The following SLC39A6 variants were observed in gnomAD, a reference collection of about 807,000 sequenced individuals.
SLC39A6 encodes zinc transporter ZIP6.
In SLC39A6, 51 loss-of-function variants were observed where a neutral mutation model predicts 63.5. The ratio of observed to expected loss-of-function variants is 0.80; its 90% confidence interval spans 0.64 to 1.01. SLC39A6 has a LOEUF of 1.01. SLC39A6 is among the 50% of genes least tolerant of loss of function. SLC39A6 has a pLI of 0.00. For synonymous variants in SLC39A6, 318 were observed against 324.7 expected, an observed-to-expected ratio of 0.98 and a Z score of 0.22; for missense variants, 805 against 927.8, an observed-to-expected ratio of 0.87 and a Z score of 1.72.
intron 6 of SLC39A6, 27 bp from the exon 7 acceptor site, chr18:36,114,501 G>A: frequency 1.3e-6 from 2 of 1,563,466 alleles, no homozygotes; most frequent in Non-Finnish European, 1.7e-6. Context: ...AGGGCATGGG[G>A]ACAGTTAGAA....
chr18:36,123,414 A>C, intron 4 of SLC39A6, 81 bp downstream of exon 4: 3 of 1,300,718 alleles, frequency 2.3e-6, no homozygotes, highest in Non-Finnish European at 3.2e-6. Context: ...CATTTTATAC[A>C]AAAAATTCTA....
chr18:36,124,927 G>A (rs964674107), intron 2 of SLC39A6, among the ~76,000 whole-genome samples: 1 of 152,166 alleles, frequency 6.6e-6, no homozygotes, highest in Non-Finnish European at 1.5e-5. Flanking sequence ...AGTACATCAC[G>A]AGTCACCTAG....
Position 36,109,765 on chromosome 18 carries a change from A to C in SLC39A6, c.2116-20T>G. On this transcript the variant is annotated intron_variant, in intron 9 of 9. Transcript: ENST00000269187. Reference sequence around the variant, plus strand: ...AGGTACCTTTAAAAAAAAGTAAGGGAAAATAAGAGTGACATTTAAGTTTTT... The same window carrying C: ...AGGTACCTTTAAAAAAAAGTAAGGGCAAATAAGAGTGACATTTAAGTTTTT... 1 of 1,587,878 alleles carries C rather than the reference A, an allele frequency of 6.3e-7. No individual in the cohort carries two copies. Among genetic ancestry groups the C allele is most frequent in the Non-Finnish European group, 8.5e-7 (1 of 1,170,322 alleles).
chr18:36,109,837 GCTTT>G (rs2089287201), intron 9 of SLC39A6, 92 bp from the exon 10 acceptor site: 1 of 963,184 alleles, frequency 1.0e-6, no homozygotes, highest in Non-Finnish European at 1.6e-6. Context: ...CAGTATACTA[GCTTT>G]ATTTGTAGCT....
At chr18:36,111,622 C>A (rs187940516) in intron 8 of SLC39A6, among the ~76,000 whole-genome samples, 7 of 151,910 alleles carry the variant, frequency 4.6e-5, no homozygotes. Context: ...GTAGCTAGGA[C>A]TACAAGTGCA....
rs575408593 is a variant in SLC39A6, at chr18:36,124,091, G to C, written c.971-427C>G. Among the ~76,000 whole-genome samples, 447 of 152,164 alleles carry C rather than the reference G, an allele frequency of 2.9e-3. 6 individuals carry two copies. The highest frequency in any genetic ancestry group is 0.01 in the African/African-American group (432 of 41,520). On this transcript the variant is annotated intron_variant, in intron 3 of 9. Transcript: ENST00000269187. ...AACCAGGAATTCAATAATGTCCTCAGAAAACAAAGCAGTGATTCCTTCCTC... is the reference window on the plus strand; with the variant it reads ...AACCAGGAATTCAATAATGTCCTCACAAAACAAAGCAGTGATTCCTTCCTC...
At chr18:36,127,091 T>C (rs2089446445) in intron 1 of SLC39A6, 75 bp from the exon 2 acceptor site, 1 of 1,285,166 alleles carries the variant, frequency 7.8e-7, no homozygotes. Flanking sequence ...ATACTGAAAA[T>C]TAATGTGTAA....
chr18:36,126,131 A>C (rs1407136474), intron 2 of SLC39A6, 88 bp downstream of exon 2: 2 of 1,272,674 alleles, frequency 1.6e-6, no homozygotes, highest in East Asian at 2.3e-5. Flanking sequence ...TTTTACTTTT[A>C]CTTTAAACTC....
chr18:36,119,821 A>C (rs1418876740), intron 5 of SLC39A6, among the ~76,000 whole-genome samples: 5 of 152,058 alleles, frequency 3.3e-5, no homozygotes, highest in Non-Finnish European at 7.4e-5. Context: ...TTTGAAGCGC[A>C]ATGAGCTATG....
Position 36,123,586 on chromosome 18 carries a change from T to C in SLC39A6, c.1049A>G (p.Asn350Ser). The C allele has an allele frequency of 6.2e-7, 1 of 1,613,706 alleles. No individual in the cohort carries two copies. Among genetic ancestry groups the C allele is most frequent in the Non-Finnish European group, 8.5e-7 (1 of 1,179,920 alleles). The change falls in exon 4 of 10, where the codon AAT becomes AGT. Residue 350 changes from asparagine to serine, a missense_variant. By Grantham distance (46) the Asn-to-Ser change is conservative. Transcript: ENST00000269187. ...CAGGAGAAATTTGAAAAACACCCGA[T>C]TCATGAGAGGCACTAAGATAACCCC... ...LLGVILVPLMNRVFFKFLLSF... is the reference protein window; with the variant it reads ...LLGVILVPLMSRVFFKFLLSF...
chr18:36,122,639 G>A (rs7243547), intron 4 of SLC39A6, among the ~76,000 whole-genome samples: 2,436 of 143,048 alleles, frequency 0.017, 65 homozygotes, highest in African/African-American at 0.059. Context: ...CACTAGCATT[G>A]TAAGAAGCCT....
intron 5 of SLC39A6, among the ~76,000 whole-genome samples, chr18:36,119,697 A>T (rs998150000): frequency 2.0e-5 from 3 of 152,164 alleles, no homozygotes; most frequent in Admixed American, 1.3e-4. Context: ...TTGGAGTCCT[A>T]GGTTAAAGAG....
At chr18:36,113,116 A>G (rs1389871333) in intron 7 of SLC39A6, among the ~76,000 whole-genome samples, 2 of 151,592 alleles carry the variant, frequency 1.3e-5, no homozygotes, top group African/African-American at 2.4e-5. Context: ...TTTTTCAGAG[A>G]CAGGGTTTCA....
At position 36,113,062 on chromosome 18, in the gene SLC39A6, ACAAT is replaced by A. The variant is rs59659730; in HGVS notation, c.1844-485_1844-482del. 1.5e-3 allele frequency among the ~76,000 whole-genome samples: 224 copies of A among 152,146 alleles called. 1 individual carries two copies. Among genetic ancestry groups the A allele is most frequent in the African/African-American group, 5.1e-3 (213 of 41,494 alleles). On this transcript the variant is annotated intron_variant, in intron 7 of 9. Transcript: ENST00000269187. ...CCCTTTTAAAAATCTGACATATTAT[ACAAT>A]CAATCAATTATAAACCATGACTGTG...
chr18:36,124,738 T>G (rs759406745), intron 2 of SLC39A6, 38 bp from the exon 3 acceptor site: 2 of 1,474,680 alleles, frequency 1.4e-6, no homozygotes, highest in South Asian at 2.8e-5. Context: ...CCAAAAGCCA[T>G]CCCCATTAGA....
At chr18:36,118,503 T>G (rs1007016817) in intron 5 of SLC39A6, among the ~76,000 whole-genome samples, 9 of 151,790 alleles carry the variant, frequency 5.9e-5, no homozygotes, top group Admixed American at 4.6e-4. Context: ...AGGAATTTGG[T>G]GGGGAAGGTT....
intron 7 of SLC39A6, 89 bp downstream of exon 7, chr18:36,114,003 TCTAAA>T (rs2089322695): frequency 3.5e-6 from 5 of 1,444,018 alleles, no homozygotes; most frequent in Non-Finnish European, 3.7e-6. Flanking sequence ...AATATCCTCA[TCTAAA>T]CTAATCTATT....
At chr18:36,119,705 G>C (rs1029587299) in intron 5 of SLC39A6, among the ~76,000 whole-genome samples, 5 of 152,050 alleles carry the variant, frequency 3.3e-5, no homozygotes, top group African/African-American at 1.2e-4. Context: ...CTAGGTTAAA[G>C]AGGGCTAAGT....
At chr18:36,110,877 G>A in intron 9 of SLC39A6, 182 bp downstream of exon 9, 1 of 1,004,656 alleles carries the variant, frequency 1.0e-6, no homozygotes, top group Non-Finnish European at 1.4e-6. Context: ...TATAGTCCTA[G>A]CTACTCAGGA....
Sources: allele counts gnomAD v4.1 joint callset (sites outside exome capture counted in the v4.1 genomes callset), GRCh38; gene constraint gnomAD v4.1.1; transcripts MANE v1.5; gene names NCBI Gene and HGNC (gene_info 2026-07-23, HGNC 2026-07-21).